SURF2: variants seen among roughly 807,000 people sequenced by gnomAD.
SURF2 encodes the protein surfeit 2.
Under a neutral mutation model 26.2 loss-of-function variants are expected in SURF2, and 32 were observed. That is an observed-to-expected ratio of 1.22 (90% confidence interval 0.92 to 1.64). SURF2 has a LOEUF of 1.64. Among genes scored for constraint, SURF2 ranks in the 40% most tolerant of loss-of-function variants. The pLI, the probability that SURF2 is intolerant of heterozygous loss-of-function variation, is 0.00. For missense variants in SURF2, 415 were observed against 341.6 expected (o/e 1.21, Z -1.69); for synonymous variants, 173 against 139.1 (o/e 1.24, Z -1.71).
intron 3 of SURF2, 54 bp downstream of exon 3, chr9:133,357,868 T>G (rs999413185): frequency 1.3e-6 from 2 of 1,553,944 alleles, no homozygotes; most frequent in Non-Finnish European, 1.8e-6. Context: ...CATGCCCGCC[T>G]TGCCCCAGAT....
In SURF2 at chr9:133,356,655, G is replaced by C; in HGVS notation, c.63G>C (p.Gln21His). 1 of 1,525,720 alleles carries C rather than the reference G, an allele frequency of 6.6e-7. No homozygotes were observed. Among genetic ancestry groups the C allele is most frequent in the Non-Finnish European group, 8.7e-7 (1 of 1,143,168 alleles). 94.5% of individuals were successfully genotyped at this position (1,525,720 alleles called of 1,614,324 possible). A position where few individuals can be genotyped will look rare whatever the true frequency, so the allele number is the denominator to read the frequency against. ...FLREHPSLRL[Q>H]TDARKVRCIL... ...GGGAGCACCCGAGCCTGCGGCTCCA[G>C]ACGGACGCCCGCAAGGTTCGCAGCG... Residue 21 changes from glutamine to histidine, a missense_variant, in exon 1 of 6, where the codon CAG becomes CAC. Coordinates refer to ENST00000371964, the MANE Select transcript of SURF2 (RefSeq NM_017503.5).
Position 133,361,070 on chromosome 9 carries a change from G to T in SURF2, c.702G>T (p.Ser234=), listed in dbSNP as rs149210470. ...TTATCCCACAGAAGCAGTTGGGCTC[G>T]TTGAAAAAGAAGTTCAAGAGTCATC... ...VQKRGKKQLG[S]LKKKFKSHHR... The change falls in exon 6 of 6, where the codon TCG becomes TCT. Residue 234 remains serine, a synonymous_variant. Transcript: ENST00000371964. 6.2e-7 allele frequency: 1 copy of T among 1,614,120 alleles called. No individual in the cohort carries two copies. Among genetic ancestry groups the T allele is most frequent in the Admixed American group, 1.7e-5 (1 of 60,014 alleles).
intron 1 of SURF2, 80 bp from the exon 2 acceptor site, chr9:133,356,834 G>A (rs923501351): frequency 1.4e-6 from 2 of 1,468,784 alleles, no homozygotes; most frequent in South Asian, 1.4e-5. Context: ...GGGAGGAGAG[G>A]GAAGGGGGCG....
intron 5 of SURF2, 69 bp from the exon 6 acceptor site, chr9:133,360,987 C>T: frequency 2.0e-6 from 3 of 1,530,150 alleles, no homozygotes; most frequent in Admixed American, 3.4e-5. Flanking sequence ...GGGGAGAGCC[C>T]TGCACTCCAG....
chr9:133,357,207 C>T, intron 2 of SURF2, 139 bp downstream of exon 2: 1 of 1,108,558 alleles, frequency 9.0e-7, no homozygotes, highest in East Asian at 3.0e-5. Flanking sequence ...GCTGGAATCA[C>T]CTGCGGTCCC....
chr9:133,356,641 A>G lies in SURF2; in HGVS notation c.49A>G (p.Ser17Gly), dbSNP rs902122746. The G allele has an allele frequency of 6.6e-7, 1 of 1,526,712 alleles. No homozygotes were observed. 94.6% of individuals were successfully genotyped at this position (1,526,712 alleles called of 1,614,324 possible). A position where few individuals can be genotyped will look rare whatever the true frequency, so the allele number is the denominator to read the frequency against. The change falls in exon 1 of 6, where the codon AGC (serine) becomes GGC (glycine). Residue 17 changes from serine (S) to glycine (G), a missense_variant. By Grantham distance (56) the Ser-to-Gly change is moderately conservative. Coordinates refer to ENST00000371964, the MANE Select transcript of SURF2 (RefSeq NM_017503.5). ...DVRAFLREHPSLRLQTDARKV... is the reference protein window; with the variant it reads ...DVRAFLREHPGLRLQTDARKV... ...GCGGGCGTTTCTGCGGGAGCACCCG[A>G]GCCTGCGGCTCCAGACGGACGCCCG...
chr9:133,360,599 T>C (rs1564355460), intron 5 of SURF2, among the ~76,000 whole-genome samples, 165 bp downstream of exon 5: 1 of 152,174 alleles, frequency 6.6e-6, no homozygotes, highest in Admixed American at 6.5e-5. Context: ...AGGCCGTGAG[T>C]GCCTACCATT....
At chr9:133,356,714 G>A (rs1009668928) in intron 1 of SURF2, 44 bp downstream of exon 1, 102 of 1,483,182 alleles carry the variant, frequency 6.9e-5, no homozygotes, top group Middle Eastern at 2.2e-4. Context: ...GAAGGGCGCA[G>A]TTGGGATGAG....
Position 133,357,076 on chromosome 9 carries a change from G to C in SURF2, c.233+8G>C. 1 of 1,558,352 alleles carries C rather than the reference G, an allele frequency of 6.4e-7. No individual in the cohort carries two copies. Among genetic ancestry groups the C allele is most frequent in the Non-Finnish European group, 8.7e-7 (1 of 1,151,226 alleles). On this transcript the variant is annotated splice_region_variant and intron_variant, in intron 2 of 5. Transcript: ENST00000371964. ...GCCCAGCACCAAGAACCCGTAGGTGGTCCGCGGCGGCGCGGGGAGGCCCAG... is the reference window on the plus strand; with the variant it reads ...GCCCAGCACCAAGAACCCGTAGGTGCTCCGCGGCGGCGCGGGGAGGCCCAG...
intron 3 of SURF2, among the ~76,000 whole-genome samples, 180 bp downstream of exon 3, chr9:133,357,994 G>A (rs1042394949): frequency 2.0e-5 from 3 of 152,210 alleles, no homozygotes; most frequent in Non-Finnish European, 2.9e-5. Flanking sequence ...TTTAGTGCAG[G>A]CAGGCACAGA....
chr9:133,360,930 G>A (rs1836758272), intron 5 of SURF2, 126 bp from the exon 6 acceptor site: 33 of 969,984 alleles, frequency 3.4e-5, no homozygotes, highest in Non-Finnish European at 5.3e-5. Context: ...CGGGGGTGGA[G>A]AAAGCCTCTG....
Position 133,360,402 on chromosome 9 carries a change from G to T in SURF2, c.655G>T (p.Val219Leu), listed in dbSNP as rs782117114. Residue 219 changes from valine to leucine, a missense_variant, in exon 5 of 6, where the codon GTG becomes TTG. Physicochemically the swap from Val to Leu is conservative, Grantham distance 32 (BLOSUM62 1). Coordinates refer to ENST00000371964, the MANE Select transcript of SURF2 (RefSeq NM_017503.5). Reference protein sequence around the residue: ...ATDEGRRETTVYRGLVQKRGK... With the variant: ...ATDEGRRETTLYRGLVQKRGK... ...TGATGAGGGCAGGAGAGAGACGACCGTGTACCGAGGGCTGGTCCAGAAGCG... is the reference window on the plus strand; with the variant it reads ...TGATGAGGGCAGGAGAGAGACGACCTTGTACCGAGGGCTGGTCCAGAAGCG... 1 of 1,611,986 alleles carries T rather than the reference G, an allele frequency of 6.2e-7. No homozygotes were observed. Among genetic ancestry groups the T allele is most frequent in the Admixed American group, 1.7e-5 (1 of 59,942 alleles).
intron 5 of SURF2, 62 bp downstream of exon 5, chr9:133,360,496 G>C: frequency 1.4e-6 from 2 of 1,461,686 alleles, no homozygotes; most frequent in South Asian, 2.7e-5. Context: ...TTTTCCATTT[G>C]TTTAAAAAAA....
At position 133,360,143 on chromosome 9, in the gene SURF2, G is replaced by A. The variant is rs2130048234; in HGVS notation, c.517+14G>A. On this transcript the variant is annotated intron_variant, in intron 4 of 5. Coordinates refer to ENST00000371964, the MANE Select transcript of SURF2 (RefSeq NM_017503.5). Reference sequence around the variant, plus strand: ...ACCTGTACCCACGTAAGCAGAACAGGCCCTGCTTCTCCCTGACCCTCTACT... The same window carrying A: ...ACCTGTACCCACGTAAGCAGAACAGACCCTGCTTCTCCCTGACCCTCTACT... The A allele has an allele frequency of 1.8e-5, 28 of 1,594,226 alleles. No homozygotes were observed. The highest frequency in any genetic ancestry group is 2.2e-5 in the Non-Finnish European group (26 of 1,168,016).
intron 3 of SURF2, 41 bp from the exon 4 acceptor site, chr9:133,359,909 G>T (rs201213064): frequency 4.5e-6 from 7 of 1,566,756 alleles, no homozygotes; most frequent in Admixed American, 1.8e-5. Context: ...AGGACCGTGG[G>T]GGGTGTGGAG....
At position 133,357,655 on chromosome 9, in the gene SURF2, C is replaced by T. The variant is rs1188871583; in HGVS notation, c.234-56C>T. Reference sequence around the variant, plus strand: ...AGGGATGAGTCCAAGACACAGCCACCAGTCTGAATCCTTGCTGTGAACTGT... The same window carrying T: ...AGGGATGAGTCCAAGACACAGCCACTAGTCTGAATCCTTGCTGTGAACTGT... On this transcript the variant is annotated intron_variant, in intron 2 of 5. Coordinates refer to ENST00000371964, the MANE Select transcript of SURF2 (RefSeq NM_017503.5). 10 of 1,539,614 alleles carry T rather than the reference C, an allele frequency of 6.5e-6. No individual in the cohort carries two copies. In the African/African-American group the frequency reaches 1.4e-4, roughly 21 times the overall value.
At chr9:133,358,048 G>A (rs1257917894) in intron 3 of SURF2, among the ~76,000 whole-genome samples, 2 of 152,314 alleles carry the variant, frequency 1.3e-5, no homozygotes, top group South Asian at 2.1e-4. Context: ...GTGGCAATGC[G>A]AGGTGTGAAA....
chr9:133,361,052 A>T lies in SURF2; in HGVS notation c.688-4A>T, dbSNP rs1050522877. 2.5e-6 allele frequency: 4 copies of T among 1,613,988 alleles called. No homozygotes were observed. The Admixed American group carries it at 5.0e-5, about 20-fold the overall frequency. On this transcript the variant is annotated splice_polypyrimidine_tract_variant and splice_region_variant and intron_variant, in intron 5 of 5. Transcript: ENST00000371964. The stretch of plus-strand genomic sequence containing the variant: ...CAGTAATCAGAATTTTGTTTATCCC[A>T]CAGAAGCAGTTGGGCTCGTTGAAAA...
At chr9:133,360,461 T>C (rs2130052238) in intron 5 of SURF2, 27 bp downstream of exon 5, 1 of 1,565,464 alleles carries the variant, frequency 6.4e-7, no homozygotes, top group East Asian at 2.3e-5. Flanking sequence ...TCTGTTAGTG[T>C]GGCAGTGGCT....
Sources: allele counts gnomAD v4.1 joint callset (sites outside exome capture counted in the v4.1 genomes callset), GRCh38; gene constraint gnomAD v4.1.1; transcripts MANE v1.5; gene names NCBI Gene and HGNC (gene_info 2026-07-23, HGNC 2026-07-21).